C10orf90: variants seen among roughly 807,000 people sequenced by gnomAD.
C10orf90 encodes chromosome 10 open reading frame 90.
A neutral mutation model predicts 62.5 loss-of-function variants in C10orf90; 56 were observed. The ratio of observed to expected loss-of-function variants is 0.90; its 90% CI spans 0.72 to 1.12. The LOEUF is 1.12. Among genes scored for constraint, C10orf90 ranks in the 50% most tolerant of loss-of-function variants. The pLI is 0.00. For missense variants in C10orf90, 970 were observed against 880.4 expected (o/e 1.10, Z -1.29); for synonymous variants, 386 against 340.4 (o/e 1.13, Z -1.47).
Position 126,469,938 on chromosome 10 carries a change from C to T in C10orf90, c.1535-4952G>A, listed in dbSNP as rs1359989354. 18 of 456,628 alleles carry T rather than the reference C, an allele frequency of 3.9e-5. No homozygotes were observed. In the East Asian group the frequency reaches 1.3e-3, roughly 32 times the overall value. The allele number at this position is 456,628 out of a possible 1,614,324, so 28.3% of individuals were successfully genotyped here. A position where few individuals can be genotyped will look rare whatever the true frequency, so the allele number is the denominator to read the frequency against. On this transcript the variant is annotated intron_variant, in intron 4 of 9. Transcript: ENST00000488181. ...TGCTGCAGAGGGGAAGGAAGGTGTTCTTCTGCATGCAATAAATACGTTGCA... is the reference window on the plus strand; with the variant it reads ...TGCTGCAGAGGGGAAGGAAGGTGTTTTTCTGCATGCAATAAATACGTTGCA...
chr10:126,553,269 G>A (rs1044833637), intron 2 of C10orf90, among the ~76,000 whole-genome samples: 1 of 152,134 alleles, frequency 6.6e-6, no homozygotes, highest in African/African-American at 2.4e-5. Context: ...TATATCTTAT[G>A]TTCTATTACG....
intron 7 of C10orf90, among the ~76,000 whole-genome samples, chr10:126,445,656 A>C (rs1858716217): frequency 6.6e-6 from 1 of 152,102 alleles, no homozygotes; most frequent in African/African-American, 2.4e-5. Flanking sequence ...CAGCAATACC[A>C]CCACTGGGTA....
intron 2 of C10orf90, among the ~76,000 whole-genome samples, chr10:126,582,795 G>A (rs1490368797): frequency 6.6e-6 from 1 of 152,014 alleles, no homozygotes; most frequent in Non-Finnish European, 1.5e-5. Context: ...ATAATCTCAA[G>A]GACTCAGACA....
At chr10:126,631,987 A>C (rs1845859086) in intron 2 of C10orf90, among the ~76,000 whole-genome samples, 1 of 152,088 alleles carries the variant, frequency 6.6e-6, no homozygotes, top group Admixed American at 6.5e-5. Context: ...GTAGAGCTGG[A>C]ATACAGTGGC....
intron 2 of C10orf90, among the ~76,000 whole-genome samples, chr10:126,638,116 G>A (rs1333595477): frequency 2.0e-5 from 3 of 152,192 alleles, no homozygotes; most frequent in African/African-American, 7.2e-5. Context: ...AGTTCAGAGC[G>A]ATGGCGGGCT....
chr10:126,511,619 T>A (rs1028179259), intron 3 of C10orf90, among the ~76,000 whole-genome samples: 2 of 151,922 alleles, frequency 1.3e-5, no homozygotes, highest in Non-Finnish European at 2.9e-5. Context: ...CACAACTGCA[T>A]CTTATATTCT....
chr10:126,537,020 A>C (rs1185533857), intron 2 of C10orf90, among the ~76,000 whole-genome samples: 1 of 152,208 alleles, frequency 6.6e-6, no homozygotes, highest in East Asian at 1.9e-4. Flanking sequence ...ATAACAGGTA[A>C]TTGCTTTTTT....
intron 2 of C10orf90, among the ~76,000 whole-genome samples, chr10:126,596,138 T>TA (rs34919079): frequency 0.088 from 11,118 of 126,588 alleles, 688 homozygotes; most frequent in South Asian, 0.23. Context: ...ATCTCTTATT[T>TA]AAAAAAAAAA....
chr10:126,430,867 G>C lies in C10orf90; in HGVS notation c.2189-1017C>G, dbSNP rs1464645481. ...AGTGGAGCAACCAAATATTTCTCAG[G>C]CTTGAGAATAGACAGAATTTTCTAG... is the stretch of plus-strand genomic sequence containing the variant. On this transcript the variant is annotated intron_variant, in intron 7 of 9. Coordinates refer to ENST00000488181, the MANE Select transcript of C10orf90 (RefSeq NM_001350921.2). Among the ~76,000 whole-genome samples the C allele has an allele frequency of 1.3e-5, 2 of 152,126 alleles. 1 individual carries two copies. Among genetic ancestry groups the C allele is most frequent in the Non-Finnish European group, 2.9e-5 (2 of 68,040 alleles).
chr10:126,482,708 G>A (rs1861229845), intron 4 of C10orf90, among the ~76,000 whole-genome samples: 1 of 152,160 alleles, frequency 6.6e-6, no homozygotes, highest in South Asian at 2.1e-4. Flanking sequence ...AGCCACATGA[G>A]GGCAATTTTC....
intron 4 of C10orf90, among the ~76,000 whole-genome samples, chr10:126,479,488 C>T (rs529526281): frequency 2.8e-4 from 43 of 152,298 alleles, no homozygotes; most frequent in Admixed American, 1.4e-3. Flanking sequence ...AGAGAAGGTG[C>T]TCCTGGGCGC....
intron 2 of C10orf90, among the ~76,000 whole-genome samples, chr10:126,596,314 AAAG>A (rs1321101579): frequency 1.3e-5 from 2 of 152,134 alleles, no homozygotes; most frequent in Non-Finnish European, 2.9e-5. Flanking sequence ...AAAAAAAGTA[AAAG>A]AAAAAATAAT....
At chr10:126,521,443 A>G in intron 2 of C10orf90, 2 of 1,537,506 alleles carry the variant, frequency 1.3e-6, no homozygotes, top group South Asian at 1.2e-5. Flanking sequence ...GCTCAGAATG[A>G]GTCAGGCTTC....
chr10:126,586,274 C>T lies in C10orf90; in HGVS notation c.313+60291G>A, dbSNP rs1223746254. 2.6e-5 allele frequency among the ~76,000 whole-genome samples: 4 copies of T among 152,208 alleles called. No homozygotes were observed. The East Asian group carries it at 5.8e-4, about 22-fold the overall frequency. ...CTTCAAGGAGAAAGAGATATGAGGA[C>T]GCTGTCTTGAAACCGGAGCCTTGAG... On this transcript the variant is annotated intron_variant, in intron 2 of 9. Transcript: ENST00000488181.
At chr10:126,585,118 T>C (rs984645317) in intron 2 of C10orf90, among the ~76,000 whole-genome samples, 1 of 151,766 alleles carries the variant, frequency 6.6e-6, no homozygotes, top group Admixed American at 6.6e-5. Flanking sequence ...GAATTCCAAC[T>C]GCGCATAGCA....
chr10:126,602,595 A>G (rs1201014347), intron 2 of C10orf90, among the ~76,000 whole-genome samples: 1 of 152,174 alleles, frequency 6.6e-6, no homozygotes, highest in Non-Finnish European at 1.5e-5. Context: ...CACTCAGAGC[A>G]GGGCCATTTT....
rs1564840770 is a variant in C10orf90 at position 126,504,846 on chromosome 10, AG to A, written c.644del (p.Pro215LeufsTer90). 1 of 1,609,078 alleles carries A rather than the reference AG, an allele frequency of 6.2e-7. No individual in the cohort carries two copies. The highest frequency in any genetic ancestry group is 1.7e-5 in the Admixed American group (1 of 59,794). ...CCTCTTTGGGCGGCAGCTCTGCCTC[AG>A]GTCCTCGCTCATCTGACGGTGCCGG... ...GIPAPSDERG[P>X]EAELPPKEER... On this transcript the variant is annotated frameshift_variant, in exon 4 of 10. Transcript: ENST00000488181. LOFTEE classifies it high-confidence loss of function. The surrounding 1 kb of genome is among the most constrained non-coding windows in gnomAD (Gnocchi z 4.1).
At chr10:126,646,334 A>C (rs1325317946) in intron 2 of C10orf90, among the ~76,000 whole-genome samples, 4 of 152,190 alleles carry the variant, frequency 2.6e-5, no homozygotes, top group African/African-American at 9.6e-5. Context: ...TCCCAAAGGC[A>C]CCCCTGAAGT....
intron 4 of C10orf90, chr10:126,469,924 G>A: frequency 2.2e-6 from 1 of 456,758 alleles, no homozygotes; most frequent in South Asian, 1.5e-5. Context: ...GCTGCAGAGG[G>A]GAAGGAAGGT....
Sources: allele counts gnomAD v4.1 joint callset (sites outside exome capture counted in the v4.1 genomes callset), GRCh38; gene constraint gnomAD v4.1.1; non-coding constraint Gnocchi (gnomAD v3.1); transcripts MANE v1.5; gene names NCBI Gene and HGNC (gene_info 2026-07-23, HGNC 2026-07-21).